PACRG: variants seen among roughly 807,000 people sequenced by gnomAD.
The protein encoded by PACRG is parkin coregulated, also known as parkin coregulated gene protein.
PACRG carries 29 observed loss-of-function variants against 29.7 expected under a neutral mutation model. The ratio of observed to expected loss-of-function variants is 0.98; its 90% CI spans 0.73 to 1.33. The LOEUF is 1.33. PACRG is among the 40% of genes most tolerant of loss of function. PACRG has a pLI of 0.00. For synonymous variants in PACRG, 116 were observed against 118.7 expected, an observed-to-expected ratio of 0.98 and a Z score of 0.15; for missense variants, 279 against 316.2, an observed-to-expected ratio of 0.88 and a Z score of 0.89.
rs534114611 is a variant in PACRG, at chr6:163,053,013, T to C, written c.292-9137T>C. Among the ~76,000 whole-genome samples the C allele has an allele frequency of 3.3e-4, 51 of 152,324 alleles. 1 individual carries two copies. Among genetic ancestry groups the C allele is most frequent in the Middle Eastern group, 3.4e-3 (1 of 294 alleles). ...TATTCACATATAATTTTAACTGATA[T>C]GTCTAAAACATTCCTTGTTCTGTGT... On this transcript the variant is annotated intron_variant, in intron 2 of 4. Coordinates refer to ENST00000366888, the MANE Select transcript of PACRG (RefSeq NM_001080379.2).
upstream of PACRG, chr6:162,727,764 C>G: frequency 3.9e-6 from 5 of 1,278,014 alleles, no homozygotes; most frequent in Non-Finnish European, 5.5e-6. Flanking sequence ...TGGGTTAAAT[C>G]CTCCAGGCCT....
Position 162,863,715 on chromosome 6 carries a change from G to A in PACRG, c.291+49434G>A, listed in dbSNP as rs140459268. On this transcript the variant is annotated intron_variant, in intron 2 of 4. Coordinates refer to ENST00000366888, the MANE Select transcript of PACRG (RefSeq NM_001080379.2). ...CTTAAAACTTCAATGTCGTATGTAT[G>A]TATTATTTAATAAATAAGGAACCAC... Among the ~76,000 whole-genome samples, 110 of 152,312 alleles carry A rather than the reference G, an allele frequency of 7.2e-4. 1 individual carries two copies. The East Asian group carries it at 0.013, about 18-fold the overall frequency.
In PACRG at chr6:162,812,345, A is replaced by T. The variant is rs117521581; in HGVS notation, c.157-1802A>T. 8.1e-4 allele frequency among the ~76,000 whole-genome samples: 123 copies of T among 152,246 alleles called. No individual in the cohort carries two copies. The Middle Eastern group carries it at 0.01, about 13-fold the overall frequency. ...AATAAAATAAATGAGGCTTTTGCTGACCAGTAATCAGTGTTCTACAATAAC... is the reference window on the plus strand; with the variant it reads ...AATAAAATAAATGAGGCTTTTGCTGTCCAGTAATCAGTGTTCTACAATAAC... On this transcript the variant is annotated intron_variant, in intron 1 of 4. Coordinates refer to ENST00000366888, the MANE Select transcript of PACRG (RefSeq NM_001080379.2).
At chr6:163,232,476 C>T (rs1187964269) in intron 4 of PACRG, among the ~76,000 whole-genome samples, 1 of 151,408 alleles carries the variant, frequency 6.6e-6, no homozygotes, top group East Asian at 1.9e-4. Context: ...AAAGGAGGAA[C>T]AAAGGAAGAG....
At chr6:163,200,646 AC>A (rs1377489749) in intron 4 of PACRG, among the ~76,000 whole-genome samples, 1 of 152,148 alleles carries the variant, frequency 6.6e-6, no homozygotes, top group Non-Finnish European at 1.5e-5. Flanking sequence ...TCAAATTTTA[AC>A]CTTTTAACGT....
intron 2 of PACRG, among the ~76,000 whole-genome samples, chr6:162,953,092 G>T (rs1799772509): frequency 6.6e-6 from 1 of 152,052 alleles, no homozygotes; most frequent in South Asian, 2.1e-4. Context: ...GGTGAAACCT[G>T]GGAATTCAGG....
chr6:163,184,582 C>T (rs1008216004), intron 4 of PACRG, among the ~76,000 whole-genome samples: 1 of 152,146 alleles, frequency 6.6e-6, no homozygotes, highest in Admixed American at 6.5e-5. Context: ...AAACAATGTT[C>T]GTATTGGCCA....
intron 2 of PACRG, among the ~76,000 whole-genome samples, chr6:162,976,905 A>G (rs73607890): frequency 6.6e-6 from 1 of 152,068 alleles, no homozygotes; most frequent in Non-Finnish European, 1.5e-5. Flanking sequence ...AATATAAAAA[A>G]ATACGCAAAA....
At position 163,078,933 on chromosome 6, in the gene PACRG, C is replaced by T. The variant is rs536976892; in HGVS notation, c.464-10326C>T. ...GCTTTGAACATTTCTCATGAGCACA[C>T]GCCAGGTTGGCTGTACACCAGTATC... is the stretch of plus-strand genomic sequence containing the variant. On this transcript the variant is annotated intron_variant, in intron 3 of 4. Coordinates refer to ENST00000366888, the MANE Select transcript of PACRG (RefSeq NM_001080379.2). Among the ~76,000 whole-genome samples, 20 of 151,942 alleles carry T rather than the reference C, an allele frequency of 1.3e-4. No individual in the cohort carries two copies. In the South Asian group the frequency reaches 2.5e-3, roughly 19 times the overall value.
At chr6:163,297,684 C>G (rs1186793708) in intron 4 of PACRG, among the ~76,000 whole-genome samples, 2 of 152,110 alleles carry the variant, frequency 1.3e-5, no homozygotes, top group African/African-American at 4.8e-5. Context: ...CACATACAAA[C>G]CAAAATAACA....
At chr6:162,826,752 C>G (rs536283594) in intron 2 of PACRG, among the ~76,000 whole-genome samples, 2 of 152,086 alleles carry the variant, frequency 1.3e-5, no homozygotes, top group African/African-American at 4.8e-5. Flanking sequence ...CGTGAGCCAC[C>G]GCACCCAGCC....
At chr6:163,066,131 C>A (rs943606120) in intron 3 of PACRG, among the ~76,000 whole-genome samples, 3 of 152,144 alleles carry the variant, frequency 2.0e-5, no homozygotes, top group Admixed American at 6.5e-5. Flanking sequence ...GGTGGAGGCA[C>A]AATTTGCCAA....
intron 4 of PACRG, chr6:163,179,505 G>A (rs1350184837): frequency 1.2e-5 from 3 of 254,074 alleles, no homozygotes; most frequent in African/African-American, 2.3e-5. Flanking sequence ...GGAGTTCCAG[G>A]CCAGCCTGGG....
At chr6:162,939,676 CGTGTGTGTGT>C (rs56193057) in intron 2 of PACRG, among the ~76,000 whole-genome samples, 239 of 149,438 alleles carry the variant, frequency 1.6e-3, no homozygotes, top group African/African-American at 5.6e-3. Flanking sequence ...CTGTATTTGA[CGTGTGTGTGT>C]GTGTGTGTGT....
At chr6:163,212,996 T>A (rs1781215360) in intron 4 of PACRG, among the ~76,000 whole-genome samples, 1 of 152,142 alleles carries the variant, frequency 6.6e-6, no homozygotes, top group South Asian at 2.1e-4. Flanking sequence ...GCCAGGATGG[T>A]CTTGATCTCC....
At chr6:162,968,809 G>A (rs1390671925) in intron 2 of PACRG, among the ~76,000 whole-genome samples, 3 of 152,124 alleles carry the variant, frequency 2.0e-5, no homozygotes, top group Non-Finnish European at 4.4e-5. Context: ...AGCACTTTGG[G>A]AGGCTGAGGT....
At chr6:162,956,800 T>G (rs146183182) in intron 2 of PACRG, among the ~76,000 whole-genome samples, 1 of 152,262 alleles carries the variant, frequency 6.6e-6, no homozygotes, top group East Asian at 1.9e-4. Flanking sequence ...CCAGTCAACT[T>G]GACTACATCT....
At chr6:163,037,650 A>G (rs1562854744) in intron 2 of PACRG, among the ~76,000 whole-genome samples, 2 of 152,320 alleles carry the variant, frequency 1.3e-5, no homozygotes, top group South Asian at 2.1e-4. Context: ...ACAGCAGGGA[A>G]CAACTATCCT....
intron 2 of PACRG, among the ~76,000 whole-genome samples, chr6:162,987,054 T>C (rs1802963292): frequency 6.6e-6 from 1 of 152,194 alleles, no homozygotes; most frequent in South Asian, 2.1e-4. Flanking sequence ...CATTAATTGC[T>C]GAAGAGTTAG....
Sources: gnomAD v4.1 joint callset for allele counts (sites outside exome capture counted in the v4.1 genomes callset) on GRCh38, gnomAD v4.1.1 for gene constraint, MANE v1.5 for transcripts, NCBI Gene and HGNC (gene_info 2026-07-23, HGNC 2026-07-21) for gene names.